Variants in PCDHGA8 observed in about 807,000 individuals in gnomAD.
PCDHGA8 encodes the protein protocadherin gamma-A8.
PCDHGA8 carries 45 observed loss-of-function variants against 59.2 expected under a neutral mutation model. The observed-to-expected ratio is 0.76, with a 90% CI of 0.60 to 0.98. The LOEUF is 0.98. Among genes scored for constraint, PCDHGA8 ranks in the 50% least tolerant of loss-of-function variants. The pLI is 0.00. For synonymous variants in PCDHGA8, 531 were observed against 519.0 expected (o/e 1.02, Z -0.32); for missense variants, 1,257 against 1,196.2 (o/e 1.05, Z -0.75).
chr5:141,472,979 T>TAAAA (rs2099307936), intron 1 of PCDHGA8, among the ~76,000 whole-genome samples: 1 of 21,094 alleles, frequency 4.7e-5, no homozygotes, highest in Non-Finnish European at 9.8e-5. Context: ...AGAGTGAAAC[T>TAAAA]CAAAAAAAAA....
At chr5:141,468,836 A>G (rs1286137807) in intron 1 of PCDHGA8, among the ~76,000 whole-genome samples, 1 of 152,170 alleles carries the variant, frequency 6.6e-6, no homozygotes, top group East Asian at 1.9e-4. Flanking sequence ...ACTGCACTCC[A>G]GCCTGGGCAA....
intron 1 of PCDHGA8, among the ~76,000 whole-genome samples, chr5:141,443,728 C>A (rs1434984241): frequency 1.3e-5 from 2 of 152,060 alleles, no homozygotes; most frequent in African/African-American, 2.4e-5. Flanking sequence ...ATTCCTCATA[C>A]ATTTCCCTAT....
intron 1 of PCDHGA8, chr5:141,421,282 A>G (rs762064258): frequency 7.4e-6 from 12 of 1,613,034 alleles, no homozygotes; most frequent in Non-Finnish European, 1.0e-5. Context: ...GCTGCTGTGC[A>G]TTTTCCTGGG....
In PCDHGA8 at chr5:141,486,223, C is replaced by G. The variant is rs1164723634; in HGVS notation, c.2425-8584C>G. ...ACGTAAATGACAATGCCCCTTACATCACAGTGACCTCAGAGCTTGGAACCC... is the reference window on the plus strand; with the variant it reads ...ACGTAAATGACAATGCCCCTTACATGACAGTGACCTCAGAGCTTGGAACCC... On this transcript the variant is annotated intron_variant, in intron 1 of 3. Coordinates refer to ENST00000398604, the MANE Select transcript of PCDHGA8 (RefSeq NM_032088.2). The surrounding 1 kb of genome is among the most constrained non-coding windows in gnomAD (Gnocchi z 5.0). The G allele has an allele frequency of 6.2e-7, 1 of 1,614,148 alleles. No homozygotes were observed. Among genetic ancestry groups the G allele is most frequent in the Admixed American group, 1.7e-5 (1 of 60,032 alleles).
intron 1 of PCDHGA8, chr5:141,398,820 G>T (rs1376527266): frequency 1.2e-6 from 2 of 1,613,854 alleles, no homozygotes; most frequent in African/African-American, 2.7e-5. Flanking sequence ...TCCGGATCCA[G>T]GTAACCGACG....
At chr5:141,400,178 T>G in intron 1 of PCDHGA8, 1 of 1,614,074 alleles carries the variant, frequency 6.2e-7, no homozygotes, top group Non-Finnish European at 8.5e-7. Context: ...CAGGCTGAGC[T>G]GCAGTTTTAC....
At position 141,489,774 on chromosome 5, in the gene PCDHGA8, C is replaced by T; in HGVS notation, c.2425-5033C>T. The T allele has an allele frequency of 1.2e-6, 2 of 1,614,164 alleles. No homozygotes were observed. Among genetic ancestry groups the T allele is most frequent in the Non-Finnish European group, 8.5e-7 (1 of 1,179,998 alleles). On this transcript the variant is annotated intron_variant, in intron 1 of 3. Transcript: ENST00000398604. The surrounding 1 kb of genome is among the most constrained non-coding windows in gnomAD (Gnocchi z 4.5). The stretch of plus-strand genomic sequence containing the variant: ...ACACTCTAAGCCCCAACAGCCACTT[C>T]TCTCTGAATGTGAAGACCCTAAAAG...
Position 141,392,690 on chromosome 5 carries a change from G to T in PCDHGA8, c.-124G>T. On this transcript the variant is annotated 5_prime_UTR_variant, in exon 1 of 4. Coordinates refer to ENST00000398604, the MANE Select transcript of PCDHGA8 (RefSeq NM_032088.2). ...TAACTGCTGGACTGCAGCGAAACCC[G>T]ACCCCTGTTTGGAGGCACTCCAGGT... is the stretch of plus-strand genomic sequence containing the variant. 1 of 1,127,490 alleles carries T rather than the reference G, an allele frequency of 8.9e-7. No homozygotes were observed. The highest frequency in any genetic ancestry group is 1.2e-6 in the Non-Finnish European group (1 of 825,226). The allele number at this position is 1,127,490 out of a possible 1,614,324, so 69.8% of individuals were successfully genotyped here.
At chr5:141,395,517 T>G in intron 1 of PCDHGA8, 2 of 415,414 alleles carry the variant, frequency 4.8e-6, no homozygotes, top group Non-Finnish European at 4.3e-6. Context: ...TAGCTACCCG[T>G]CCATACTGGT....
intron 1 of PCDHGA8, chr5:141,419,406 C>A (rs367731612): frequency 1.9e-6 from 3 of 1,613,404 alleles, no homozygotes; most frequent in Non-Finnish European, 2.5e-6. Context: ...GTGGTGTTCG[C>A]GCAGCGCGCC....
At chr5:141,427,924 G>A (rs1440880400) in intron 1 of PCDHGA8, 8 of 1,580,024 alleles carry the variant, frequency 5.1e-6, no homozygotes, top group East Asian at 2.2e-5. Context: ...ATGAGCCGGC[G>A]CATGTTGGTG....
chr5:141,399,559 G>C, intron 1 of PCDHGA8: 1 of 1,614,038 alleles, frequency 6.2e-7, no homozygotes, highest in Non-Finnish European at 8.5e-7. Context: ...CCTGGACTTG[G>C]GGTTGAACGG....
chr5:141,410,091 G>C (rs778509378), intron 1 of PCDHGA8: 8 of 1,612,400 alleles, frequency 5.0e-6, no homozygotes, highest in South Asian at 1.1e-5. Context: ...CGCACGGCTC[G>C]AGCCTTAGGC....
intron 1 of PCDHGA8, among the ~76,000 whole-genome samples, chr5:141,462,783 T>A (rs1313584666): frequency 6.6e-6 from 1 of 152,236 alleles, no homozygotes; most frequent in Non-Finnish European, 1.5e-5. Flanking sequence ...CATAATTTGT[T>A]GCTTATTTGC....
rs1322608789 is a variant in PCDHGA8, at chr5:141,485,671, G to A, written c.2425-9136G>A. 3 of 1,612,860 alleles carry A rather than the reference G, an allele frequency of 1.9e-6. No homozygotes were observed. The highest frequency in any genetic ancestry group is 2.5e-6 in the Non-Finnish European group (3 of 1,179,040). On this transcript the variant is annotated intron_variant, in intron 1 of 3. Coordinates refer to ENST00000398604, the MANE Select transcript of PCDHGA8 (RefSeq NM_032088.2). This position sits in a 1 kb window ranked among gnomAD's most constrained non-coding sequence, Gnocchi z 5.7. Reference sequence around the variant, plus strand: ...AGGATGCAGATGTGGGGAGCAATTCGATTAGCAGCTATAGGCTGAGCTCCA... The same window carrying A: ...AGGATGCAGATGTGGGGAGCAATTCAATTAGCAGCTATAGGCTGAGCTCCA...
At chr5:141,509,106 A>T (rs1159119530) in intron 3 of PCDHGA8, among the ~76,000 whole-genome samples, 1 of 152,102 alleles carries the variant, frequency 6.6e-6, no homozygotes, top group Non-Finnish European at 1.5e-5. Flanking sequence ...TAGAAACCTG[A>T]GCGCTGGTGC....
chr5:141,487,798 G>A lies in PCDHGA8; in HGVS notation c.2425-7009G>A, dbSNP rs1197016007. 6.7e-7 allele frequency: 1 copy of A among 1,498,792 alleles called. No homozygotes were observed. Among genetic ancestry groups the A allele is most frequent in the South Asian group, 1.3e-5 (1 of 78,368 alleles). 92.8% of individuals were successfully genotyped at this position (1,498,792 alleles called of 1,614,324 possible). On this transcript the variant is annotated intron_variant, in intron 1 of 3. Coordinates refer to ENST00000398604, the MANE Select transcript of PCDHGA8 (RefSeq NM_032088.2). The surrounding 1 kb of genome is among the most constrained non-coding windows in gnomAD (Gnocchi z 5.0). ...ACTGTTTCGTGAATTAACCAGAGTT[G>A]TCACAGTTTAGCATTGGGGGCGGGT...
rs573088236 is a variant in PCDHGA8, at chr5:141,489,279, G to A, written c.2425-5528G>A. On this transcript the variant is annotated intron_variant, in intron 1 of 3. Coordinates refer to ENST00000398604, the MANE Select transcript of PCDHGA8 (RefSeq NM_032088.2). This position sits in a 1 kb window ranked among gnomAD's most constrained non-coding sequence, Gnocchi z 4.5. Reference sequence around the variant, plus strand: ...CACTCCCACAGCTCGCTGGGAAATGGCAAGTGCTGTGCATGTTGTCCTTGT... The same window carrying A: ...CACTCCCACAGCTCGCTGGGAAATGACAAGTGCTGTGCATGTTGTCCTTGT... The A allele has an allele frequency of 6.4e-7, 1 of 1,562,030 alleles. No individual in the cohort carries two copies. Among genetic ancestry groups the A allele is most frequent in the East Asian group, 2.2e-5 (1 of 44,522 alleles).
chr5:141,394,937 C>A lies in PCDHGA8; in HGVS notation c.2124C>A (p.Val708=). The change falls in exon 1 of 4, where the codon GTC becomes GTA. Residue 708 remains valine (V), a synonymous_variant. Transcript: ENST00000398604. The part of the protein sequence containing the change: ...AAISCVFLAF[V]AVLLGLRLRR... ...TCTCCTGTGTCTTCCTCGCCTTTGT[C>A]GCTGTGCTTCTGGGGCTCAGGCTGA... The A allele has an allele frequency of 6.2e-7, 1 of 1,613,806 alleles. No homozygotes were observed. The highest frequency in any genetic ancestry group is 8.5e-7 in the Non-Finnish European group (1 of 1,179,868).
Sources: allele counts gnomAD v4.1 joint callset (sites outside exome capture counted in the v4.1 genomes callset), GRCh38; gene constraint gnomAD v4.1.1; non-coding constraint Gnocchi (gnomAD v3.1); transcripts MANE v1.5; gene names NCBI Gene and HGNC (gene_info 2026-07-23, HGNC 2026-07-21).